The following CDYL variants were observed in gnomAD, a reference collection of about 807,000 sequenced individuals.
The protein encoded by CDYL is chromodomain Y-like protein.
Under a neutral mutation model 47.3 loss-of-function variants are expected in CDYL, and 8 were observed. That is an observed-to-expected ratio of 0.17 (90% CI 0.10 to 0.31). CDYL has a LOEUF of 0.31. Among genes scored for constraint, CDYL ranks in the 10% least tolerant of loss-of-function variants. The pLI, the probability that CDYL is intolerant of heterozygous loss-of-function variation, is 1.00. For missense variants in CDYL, 471 were observed against 701.4 expected, an observed-to-expected ratio of 0.67 and a Z score of 3.71; for synonymous variants, 266 against 265.0, an observed-to-expected ratio of 1.00 and a Z score of -0.04.
At chr6:4,898,021 G>A (rs1202841018) in intron 2 of CDYL, among the ~76,000 whole-genome samples, 3 of 151,754 alleles carry the variant, frequency 2.0e-5, no homozygotes, top group Admixed American at 6.6e-5. Context: ...TCACGCCACT[G>A]CACTCCAGCC....
At chr6:4,748,822 G>C (rs10484831) in intron 3 of CDYL, among the ~76,000 whole-genome samples, 1,731 of 152,246 alleles carry the variant, frequency 0.011, 27 homozygotes, top group African/African-American at 0.04. Flanking sequence ...ATCTCTAAAG[G>C]CTTCTATGAA....
chr6:4,865,125 C>T (rs982873407), intron 1 of CDYL, among the ~76,000 whole-genome samples: 2 of 152,176 alleles, frequency 1.3e-5, no homozygotes, highest in African/African-American at 4.8e-5. Flanking sequence ...TTCCCCTCAT[C>T]ACCTGCTGCA....
chr6:4,837,470 T>C (rs1296289914), intron 1 of CDYL, among the ~76,000 whole-genome samples: 2 of 151,156 alleles, frequency 1.3e-5, no homozygotes, highest in African/African-American at 4.8e-5. Context: ...GTCGTTGTTT[T>C]TTTTTTTTTT....
At chr6:4,873,832 T>C (rs1425154393) in intron 1 of CDYL, among the ~76,000 whole-genome samples, 4 of 152,206 alleles carry the variant, frequency 2.6e-5, no homozygotes, top group African/African-American at 7.2e-5. Context: ...AGTAGGAACA[T>C]CGCACAGGGG....
At chr6:4,872,822 C>T (rs1341347937) in intron 1 of CDYL, among the ~76,000 whole-genome samples, 1 of 152,206 alleles carries the variant, frequency 6.6e-6, no homozygotes, top group African/African-American at 2.4e-5. Flanking sequence ...AGTACCTGAA[C>T]AGTTCATCTT....
chr6:4,712,593 C>G (rs1239931686), intron 1 of CDYL, among the ~76,000 whole-genome samples: 1 of 152,232 alleles, frequency 6.6e-6, no homozygotes, highest in African/African-American at 2.4e-5. Context: ...GGTGGGTACT[C>G]TCATGCCCTG....
chr6:4,894,014 C>T (rs965040425), intron 2 of CDYL, among the ~76,000 whole-genome samples: 1 of 152,230 alleles, frequency 6.6e-6, no homozygotes, highest in South Asian at 2.1e-4. Context: ...TTTCCGGCTT[C>T]ATTGGAGCTT....
intron 1 of CDYL, chr6:4,889,996 A>G (rs996994322): frequency 1.0e-6 from 1 of 985,276 alleles, no homozygotes; most frequent in Non-Finnish European, 1.2e-6. Flanking sequence ...GTACATGGTT[A>G]AGGAGGGAGG....
intron 1 of CDYL, among the ~76,000 whole-genome samples, chr6:4,798,930 C>T (rs1193345311): frequency 6.6e-6 from 1 of 152,154 alleles, no homozygotes; most frequent in African/African-American, 2.4e-5. Context: ...TAAAATGTTG[C>T]GTTCATTAGC....
intron 1 of CDYL, among the ~76,000 whole-genome samples, chr6:4,806,084 C>T (rs920369329): frequency 1.3e-5 from 2 of 152,226 alleles, no homozygotes; most frequent in Admixed American, 6.5e-5. Flanking sequence ...GTGTACATGC[C>T]GCAGGGACGC....
chr6:4,758,368 A>ATATATATATATATATATATATATATATC (rs1400799578), intron 3 of CDYL, among the ~76,000 whole-genome samples: 3 of 144,500 alleles, frequency 2.1e-5, no homozygotes, highest in African/African-American at 7.8e-5. Context: ...ATATATATAT[A>ATATATATATATATATATATATATATATC]TATCTCTTTG....
chr6:4,893,862 G>T (rs1762122674), intron 2 of CDYL, among the ~76,000 whole-genome samples: 1 of 152,248 alleles, frequency 6.6e-6, no homozygotes, highest in African/African-American at 2.4e-5. Flanking sequence ...CTGCTTTGGT[G>T]CATTCAACAG....
chr6:4,878,979 T>C (rs959720920), intron 1 of CDYL, among the ~76,000 whole-genome samples: 5 of 152,186 alleles, frequency 3.3e-5, no homozygotes, highest in African/African-American at 1.2e-4. Context: ...TTTAGAAAAA[T>C]TTACTAATTG....
intron 2 of CDYL, among the ~76,000 whole-genome samples, chr6:4,722,735 G>C (rs1757394839): frequency 6.6e-6 from 1 of 152,146 alleles, no homozygotes; most frequent in Non-Finnish European, 1.5e-5. Flanking sequence ...AAATTAGCTG[G>C]ATGTGCAGGT....
intron 2 of CDYL, among the ~76,000 whole-genome samples, chr6:4,928,155 G>A (rs1757932746): frequency 6.6e-6 from 1 of 152,150 alleles, no homozygotes; most frequent in African/African-American, 2.4e-5. Context: ...TCACCACCAA[G>A]GTTTTAATTG....
At chr6:4,866,249 A>AT (rs780908392) in intron 1 of CDYL, among the ~76,000 whole-genome samples, 7 of 152,188 alleles carry the variant, frequency 4.6e-5, no homozygotes, top group Non-Finnish European at 1.0e-4. Context: ...AGGAAAAGAG[A>AT]TGTTTTTCTT....
intron 2 of CDYL, among the ~76,000 whole-genome samples, chr6:4,933,403 G>A (rs1758089535): frequency 6.6e-6 from 1 of 152,152 alleles, no homozygotes; most frequent in South Asian, 2.1e-4. Context: ...GCTCCCCCAG[G>A]CTCACATGTT....
intron 2 of CDYL, among the ~76,000 whole-genome samples, chr6:4,897,873 G>A (rs1404264622): frequency 1.3e-5 from 2 of 150,268 alleles, no homozygotes; most frequent in Non-Finnish European, 3.0e-5. Flanking sequence ...CTGGCTAACA[G>A]TGAAACCCTG....
intron 1 of CDYL, among the ~76,000 whole-genome samples, chr6:4,834,767 T>C (rs529569420): frequency 3.9e-5 from 6 of 152,318 alleles, no homozygotes; most frequent in African/African-American, 1.2e-4. Flanking sequence ...GAGGCTTTGT[T>C]CATTTCTTTT....
Sources: allele counts gnomAD v4.1 joint callset (sites outside exome capture counted in the v4.1 genomes callset), GRCh38; gene constraint gnomAD v4.1.1; transcripts MANE v1.5; gene names NCBI Gene and HGNC (gene_info 2026-07-23, HGNC 2026-07-21).